SYT1: variants seen among roughly 807,000 people sequenced by gnomAD.
SYT1 encodes synaptotagmin-1.
In SYT1, 8 loss-of-function variants were observed where a neutral mutation model predicts 44.8. That is an observed-to-expected ratio of 0.18 (90% CI 0.10 to 0.32). The LOEUF is 0.32. SYT1 is among the 10% of genes least tolerant of loss of function. The pLI is 1.00. For synonymous variants in SYT1, 154 were observed against 188.8 expected, an observed-to-expected ratio of 0.82 and a Z score of 1.51; for missense variants, 286 against 509.3, an observed-to-expected ratio of 0.56 and a Z score of 4.22.
intron 4 of SYT1, among the ~76,000 whole-genome samples, chr12:79,245,682 G>A (rs1372929531): frequency 6.6e-6 from 1 of 151,990 alleles, no homozygotes; most frequent in East Asian, 1.9e-4. Context: ...GAGCAACTCA[G>A]GGGAAATCCC....
intron 4 of SYT1, among the ~76,000 whole-genome samples, chr12:79,284,888 T>C (rs536935866): frequency 3.3e-5 from 5 of 151,992 alleles, no homozygotes; most frequent in Admixed American, 3.3e-4. Flanking sequence ...GCTCTTGCTA[T>C]GTTCCAGATG....
intron 1 of SYT1, among the ~76,000 whole-genome samples, chr12:78,952,288 A>G (rs1032885442): frequency 2.0e-5 from 3 of 152,168 alleles, no homozygotes; most frequent in Non-Finnish European, 4.4e-5. Context: ...GTCCTGCTAC[A>G]GCAGACACTG....
intron 3 of SYT1, among the ~76,000 whole-genome samples, chr12:79,173,288 T>C (rs951050940): frequency 2.0e-5 from 3 of 152,004 alleles, no homozygotes; most frequent in African/African-American, 7.2e-5. Flanking sequence ...ATGCATCTGA[T>C]AGAGCAGCAT....
chr12:79,279,811 A>G (rs1177546020), intron 4 of SYT1, among the ~76,000 whole-genome samples: 1 of 152,146 alleles, frequency 6.6e-6, no homozygotes, highest in Non-Finnish European at 1.5e-5. Flanking sequence ...GTACAAAATC[A>G]AGGTACGTAA....
chr12:79,136,813 T>C (rs1438133109), intron 3 of SYT1, among the ~76,000 whole-genome samples: 1 of 152,194 alleles, frequency 6.6e-6, no homozygotes, highest in African/African-American at 2.4e-5. Flanking sequence ...TTTCATTAAT[T>C]ATAATGGCAG....
intron 9 of SYT1, among the ~76,000 whole-genome samples, chr12:79,364,653 A>T (rs1166223241): frequency 1.3e-5 from 2 of 152,216 alleles, no homozygotes; most frequent in African/African-American, 4.8e-5. Context: ...TTATATCCTC[A>T]GAACCACTGA....
chr12:79,126,354 G>A (rs889294455), intron 3 of SYT1, among the ~76,000 whole-genome samples: 7 of 152,108 alleles, frequency 4.6e-5, no homozygotes, highest in African/African-American at 4.8e-5. Context: ...TCTGCCTCCC[G>A]GGTTCAAACA....
In SYT1 at chr12:79,434,434, G is replaced by A. The variant is rs553582987; in HGVS notation, c.929-9639G>A. Among the ~76,000 whole-genome samples, 34 of 152,244 alleles carry A rather than the reference G, an allele frequency of 2.2e-4. No individual in the cohort carries two copies. The South Asian group carries it at 5.6e-3, about 25-fold the overall frequency. ...TTAATGTAGTCTTCTCTAAGTACTT[G>A]TAAATTATTTATAAAGACCCCCTCA... On this transcript the variant is annotated intron_variant, in intron 9 of 10. Transcript: ENST00000261205.
At chr12:79,291,575 A>G (rs2138849215) in intron 5 of SYT1, among the ~76,000 whole-genome samples, 1 of 152,352 alleles carries the variant, frequency 6.6e-6, no homozygotes, top group Middle Eastern at 3.4e-3. Context: ...CATGCATTTT[A>G]TATTAATTAT....
intron 3 of SYT1, among the ~76,000 whole-genome samples, chr12:79,178,795 G>C (rs1310778676): frequency 1.3e-5 from 2 of 149,834 alleles, no homozygotes; most frequent in Non-Finnish European, 3.0e-5. Flanking sequence ...ATTTATTTTT[G>C]AGATGGAATT....
At chr12:79,396,708 G>A (rs1884883914) in intron 9 of SYT1, among the ~76,000 whole-genome samples, 1 of 152,158 alleles carries the variant, frequency 6.6e-6, no homozygotes, top group Non-Finnish European at 1.5e-5. Context: ...TTGATTGAAG[G>A]ATGATATTTT....
intron 3 of SYT1, among the ~76,000 whole-genome samples, chr12:79,101,839 G>A (rs570674792): frequency 1.6e-4 from 25 of 152,108 alleles, no homozygotes; most frequent in African/African-American, 6.0e-4. Flanking sequence ...CTGACAGGTC[G>A]AGGCTGCAAT....
chr12:79,055,419 G>C (rs1434964331), intron 3 of SYT1, among the ~76,000 whole-genome samples: 1 of 152,010 alleles, frequency 6.6e-6, no homozygotes, highest in African/African-American at 2.4e-5. Flanking sequence ...ATCATGTAAA[G>C]TCCAAAGTTA....
intron 3 of SYT1, among the ~76,000 whole-genome samples, chr12:79,088,752 GTGTGTGTGTGTGTGTGTGTGTGTGTGTA>G (rs1224433570): frequency 1.3e-5 from 2 of 150,024 alleles, no homozygotes; most frequent in East Asian, 2.0e-4. Flanking sequence ...GTGTGTGTGT[GTGTGTGTGTGTGTGTGTGTGTGTGTGTA>G]TGTGTGTGTG....
chr12:78,869,495 A>G (rs1238232738), intron 1 of SYT1, among the ~76,000 whole-genome samples: 1 of 152,022 alleles, frequency 6.6e-6, no homozygotes, highest in East Asian at 1.9e-4. Context: ...CAATAAATAT[A>G]TTGCTATGTT....
In SYT1 at chr12:79,127,006, G is replaced by T. The variant is rs1378027363; in HGVS notation, c.-18+79644G>T. Among the ~76,000 whole-genome samples, 11 of 152,244 alleles carry T rather than the reference G, an allele frequency of 7.2e-5. No homozygotes were observed. In the South Asian group the frequency reaches 1.0e-3, roughly 14 times the overall value. On this transcript the variant is annotated intron_variant, in intron 3 of 10. Transcript: ENST00000261205. ...ATAGCCCACCAGGAAGAGACACTTG[G>T]GAGTCTCTGGCAGCATCTCTCAGCA...
chr12:79,367,763 G>A (rs992570712), intron 9 of SYT1, among the ~76,000 whole-genome samples: 4 of 151,836 alleles, frequency 2.6e-5, no homozygotes, highest in African/African-American at 9.7e-5. Flanking sequence ...TTGCCGGTAG[G>A]ATAAATAGTT....
At chr12:78,881,605 T>G (rs759294735) in intron 1 of SYT1, among the ~76,000 whole-genome samples, 15 of 151,732 alleles carry the variant, frequency 9.9e-5, no homozygotes, top group Non-Finnish European at 1.9e-4. Context: ...TTTCTAACTG[T>G]GTTTGTAAAG....
intron 1 of SYT1, among the ~76,000 whole-genome samples, chr12:78,892,030 A>G (rs1403564108): frequency 6.6e-6 from 1 of 151,802 alleles, no homozygotes; most frequent in Non-Finnish European, 1.5e-5. Flanking sequence ...CTTTCTCCTG[A>G]TATAAATATT....
Sources: gnomAD v4.1 joint callset for allele counts (sites outside exome capture counted in the v4.1 genomes callset) on GRCh38, gnomAD v4.1.1 for gene constraint, MANE v1.5 for transcripts, NCBI Gene and HGNC (gene_info 2026-07-23, HGNC 2026-07-21) for gene names.